GSTCD: variants seen among roughly 807,000 people sequenced by gnomAD.
GSTCD encodes the protein glutathione S-transferase C-terminal domain-containing protein.
GSTCD carries 44 observed loss-of-function variants against 68.3 expected under a neutral mutation model. That is an observed-to-expected ratio of 0.64 (90% CI 0.51 to 0.83). The LOEUF (loss-of-function observed/expected upper bound fraction) is 0.83, where lower values mean the gene tolerates loss of function less well. GSTCD is among the 40% of genes least tolerant of loss of function. The pLI, the probability that GSTCD is intolerant of heterozygous loss-of-function variation, is 0.00. For synonymous variants in GSTCD, 273 were observed against 255.2 expected (o/e 1.07, Z -0.67); for missense variants, 739 against 735.9 (o/e 1.00, Z -0.05).
chr4:105,726,865 T>C (rs1221730463), intron 4 of GSTCD, 35 bp downstream of exon 4: 7 of 1,518,848 alleles, frequency 4.6e-6, no homozygotes, highest in Non-Finnish European at 6.3e-6. Flanking sequence ...TGAAAAATTC[T>C]ATGTGATAAT....
chr4:105,834,413 T>C, intron 8 of GSTCD, 48 bp from the exon 9 acceptor site: 1 of 1,588,876 alleles, frequency 6.3e-7, no homozygotes, highest in Non-Finnish European at 8.6e-7. Context: ...AAAATTGCAC[T>C]GTGAGTTAAG....
intron 4 of GSTCD, among the ~76,000 whole-genome samples, chr4:105,727,529 A>C (rs1399558524): frequency 6.6e-6 from 1 of 151,450 alleles, no homozygotes; most frequent in Non-Finnish European, 1.5e-5. Context: ...TGTCTCGGAA[A>C]AAAAAAAAAA....
At chr4:105,753,592 C>A (rs753266044) in intron 5 of GSTCD, among the ~76,000 whole-genome samples, 3 of 151,916 alleles carry the variant, frequency 2.0e-5, no homozygotes, top group Non-Finnish European at 2.9e-5. Flanking sequence ...TACAAATAAT[C>A]TAGAGATGAC....
intron 5 of GSTCD, chr4:105,746,101 A>T (rs1041863748): frequency 6.6e-6 from 1 of 152,198 alleles, no homozygotes; most frequent in African/African-American, 2.4e-5. Context: ...GAAAATCTGC[A>T]TATAACTTTT....
chr4:105,825,280 C>T (rs760170799), intron 7 of GSTCD, among the ~76,000 whole-genome samples: 7 of 152,126 alleles, frequency 4.6e-5, no homozygotes, highest in Non-Finnish European at 1.0e-4. Flanking sequence ...CAGATGCACA[C>T]TACTATGCCC....
At chr4:105,730,685 T>C (rs1489185136) in intron 5 of GSTCD, among the ~76,000 whole-genome samples, 2 of 152,324 alleles carry the variant, frequency 1.3e-5, no homozygotes, top group Admixed American at 1.3e-4. Context: ...TCTCCCATTC[T>C]GTAGGTTGCC....
At chr4:105,825,316 G>C (rs62317698) in intron 7 of GSTCD, among the ~76,000 whole-genome samples, 9 of 152,150 alleles carry the variant, frequency 5.9e-5, no homozygotes, top group Non-Finnish European at 1.3e-4. Context: ...TTTTAGTAGA[G>C]ACGGGGTTTC....
intron 5 of GSTCD, among the ~76,000 whole-genome samples, chr4:105,791,317 T>C (rs1040351569): frequency 3.5e-5 from 5 of 144,560 alleles, no homozygotes; most frequent in South Asian, 4.3e-4. Flanking sequence ...GGCGTGAACC[T>C]GGGAGGCGGA....
At chr4:105,841,997 G>A (rs2149289048) in intron 10 of GSTCD, 68 bp from the exon 11 acceptor site, 1 of 1,166,506 alleles carries the variant, frequency 8.6e-7, no homozygotes, top group Non-Finnish European at 1.3e-6. Context: ...AGTTTTTTTG[G>A]TGGTTGTTTT....
chr4:105,728,680 T>TATATAGATATAGATATAG (rs5860812), intron 4 of GSTCD, among the ~76,000 whole-genome samples: 4 of 146,852 alleles, frequency 2.7e-5, no homozygotes, highest in Admixed American at 6.8e-5. Context: ...TAGATATAGA[T>TATATAGATATAGATATAG]ATATAGATAT....
chr4:105,827,619 C>G (rs982195282), intron 8 of GSTCD, among the ~76,000 whole-genome samples: 1 of 152,034 alleles, frequency 6.6e-6, no homozygotes, highest in Non-Finnish European at 1.5e-5. Context: ...GTTCTAACTC[C>G]TGTGTTAAAT....
At chr4:105,797,760 CTTTTTTTT>C (rs70941218) in intron 5 of GSTCD, among the ~76,000 whole-genome samples, 16 of 84,950 alleles carry the variant, frequency 1.9e-4, no homozygotes, top group African/African-American at 7.6e-4. Context: ...CACAATAGAA[CTTTTTTTT>C]TTTTTTTTTT....
intron 5 of GSTCD, among the ~76,000 whole-genome samples, chr4:105,784,133 G>A (rs536649401): frequency 6.6e-6 from 1 of 152,330 alleles, no homozygotes; most frequent in Admixed American, 6.5e-5. Flanking sequence ...GGTAGTCTGA[G>A]ACTATGTACA....
Position 105,739,508 on chromosome 4 carries a change from G to C in GSTCD, c.1240+10009G>C, listed in dbSNP as rs554391981. Among the ~76,000 whole-genome samples, 5 of 152,264 alleles carry C rather than the reference G, an allele frequency of 3.3e-5. No homozygotes were observed. In the East Asian group the frequency reaches 9.7e-4, roughly 29 times the overall value. On this transcript the variant is annotated intron_variant, in intron 5 of 11. Transcript: ENST00000515279. ...GGTCCTAAGCTTTTCTTTGATGGGA[G>C]ACTTTTTATTACTAATTCCATCTTG...
intron 3 of GSTCD, 120 bp downstream of exon 3, chr4:105,719,647 T>G: frequency 4.3e-6 from 3 of 697,046 alleles, no homozygotes; most frequent in Non-Finnish European, 4.9e-6. Flanking sequence ...ATTAATATCT[T>G]TCTCCATTTT....
intron 5 of GSTCD, among the ~76,000 whole-genome samples, chr4:105,813,721 T>TC (rs1722849528): frequency 1.3e-5 from 2 of 152,212 alleles, no homozygotes; most frequent in Middle Eastern, 3.2e-3. Flanking sequence ...CATCAGCAGT[T>TC]CCGTTTATAT....
chr4:105,832,105 T>A (rs1427184170), intron 8 of GSTCD, among the ~76,000 whole-genome samples: 1 of 152,320 alleles, frequency 6.6e-6, no homozygotes, highest in African/African-American at 2.4e-5. Context: ...CATTCAAAAT[T>A]TATTTCCTAT....
chr4:105,765,726 G>T (rs965352494), intron 5 of GSTCD, among the ~76,000 whole-genome samples: 1 of 152,290 alleles, frequency 6.6e-6, no homozygotes, highest in East Asian at 1.9e-4. Context: ...GACCTTGTGG[G>T]AGGTGATTAG....
chr4:105,798,147 C>T (rs2149260095), intron 5 of GSTCD, among the ~76,000 whole-genome samples: 1 of 152,044 alleles, frequency 6.6e-6, no homozygotes, highest in East Asian at 1.9e-4. Flanking sequence ...ACTTTTTTTG[C>T]TCATCCATAG....
Sources: gnomAD v4.1 joint callset for allele counts (sites outside exome capture counted in the v4.1 genomes callset) on GRCh38, gnomAD v4.1.1 for gene constraint, MANE v1.5 for transcripts, NCBI Gene and HGNC (gene_info 2026-07-23, HGNC 2026-07-21) for gene names.